Variants in CIC observed in about 807,000 individuals in gnomAD.
The protein encoded by CIC is capicua transcriptional repressor.
A neutral mutation model predicts 115.7 loss-of-function variants in CIC; 18 were observed. The ratio of observed to expected loss-of-function variants is 0.16; its 90% confidence interval spans 0.11 to 0.23. CIC has a LOEUF of 0.23. Ranked by LOEUF, CIC falls within the 10% of genes least tolerant of loss-of-function variation. CIC has a pLI of 1.00. For synonymous variants in CIC, 1,076 were observed against 923.0 expected, an observed-to-expected ratio of 1.17 and a Z score of -3.01; for missense variants, 2,000 against 2,159.3, an observed-to-expected ratio of 0.93 and a Z score of 1.46.
intron 2 of CIC, among the ~76,000 whole-genome samples, chr19:42,283,726 C>A (rs1262718671): frequency 6.6e-6 from 1 of 152,058 alleles, no homozygotes; most frequent in African/African-American, 2.4e-5. Context: ...GCACCACGCA[C>A]AACCCAGAGA....
intron 2 of CIC, among the ~76,000 whole-genome samples, chr19:42,277,182 C>T (rs889286501): frequency 2.6e-5 from 4 of 152,192 alleles, no homozygotes; most frequent in African/African-American, 7.2e-5. Context: ...AGGAGGAAAC[C>T]GTAGCCTGAA....
rs1393417707 is a variant in CIC at position 42,280,595 on chromosome 19, C to T, written c.2794+6018C>T. On this transcript the variant is annotated intron_variant, in intron 2 of 20. Transcript: ENST00000681038. The surrounding 1 kb of genome is among the most constrained non-coding windows in gnomAD (Gnocchi z 4.9). ...CCTCGGGCTGGGTGGGGTACCCTCCCTCCCACCGCAGACAGCTCGGGTGCC... is the reference window on the plus strand; with the variant it reads ...CCTCGGGCTGGGTGGGGTACCCTCCTTCCCACCGCAGACAGCTCGGGTGCC... Among the ~76,000 whole-genome samples, 1 of 152,206 alleles carries T rather than the reference C, an allele frequency of 6.6e-6. No homozygotes were observed. The highest frequency in any genetic ancestry group is 1.5e-5 in the Non-Finnish European group (1 of 68,012).
Position 42,286,841 on chromosome 19 carries a change from C to T in CIC, c.2865C>T (p.Pro955=). 1.2e-6 allele frequency: 2 copies of T among 1,613,956 alleles called. No homozygotes were observed. The highest frequency in any genetic ancestry group is 2.2e-5 in the South Asian group (2 of 91,082). Residue 955 remains proline (P), a synonymous_variant, in exon 3 of 21, where the codon CCC becomes CCT. Coordinates refer to ENST00000681038, the MANE Select transcript of CIC (RefSeq NM_001386298.1). ...PWHSLVPFLA[P]SQPDPSVQPS... is the part of the protein sequence containing the mutation. The stretch of plus-strand genomic sequence containing the variant: ...ACTCCTTAGTCCCCTTCCTGGCACC[C>T]AGCCAGCCTGACCCCTCCGTGCAGC...
chr19:42,290,320 C>T lies in CIC; in HGVS notation c.4279C>T (p.Pro1427Ser), dbSNP rs1270663092. Reference sequence around the variant, plus strand: ...ACTGGACCCTGAGCCCCCAGGGCCCCCGGATCCTCCTGTAGCCTTTGGCAA... The same window carrying T: ...ACTGGACCCTGAGCCCCCAGGGCCCTCGGATCCTCCTGTAGCCTTTGGCAA... ...PPLDPEPPGP[P>S]DPPVAFGKGY... Residue 1427 changes from proline to serine, a missense_variant, in exon 11 of 21, where the codon CCG (proline) becomes TCG (serine). By Grantham distance (74) the Pro-to-Ser change is moderately conservative (BLOSUM62 -1). Transcript: ENST00000681038. The T allele has an allele frequency of 5.6e-6, 9 of 1,614,120 alleles. No homozygotes were observed. The highest frequency in any genetic ancestry group is 1.6e-4 in the Middle Eastern group (1 of 6,062).
intron 12 of CIC, 130 bp downstream of exon 12, chr19:42,291,875 C>A: frequency 7.6e-7 from 1 of 1,321,898 alleles, no homozygotes; most frequent in South Asian, 1.2e-5. Context: ...TCCGTGATGT[C>A]TCTGTGCATC....
Position 42,295,464 on chromosome 19 carries a change from A to T in CIC, c.*273A>T. The T allele has an allele frequency of 2.4e-6, 1 of 419,662 alleles. No homozygotes were observed. Among genetic ancestry groups the T allele is most frequent in the Non-Finnish European group, 4.3e-6 (1 of 232,376 alleles). The allele number at this position is 419,662 out of a possible 1,614,324, so 26.0% of individuals were successfully genotyped here. ...CCTTCAGAGCTTTTCACTTTATGCAAAATGGCTCCTGTGAGGGCTGCAAGC... is the reference window on the plus strand; with the variant it reads ...CCTTCAGAGCTTTTCACTTTATGCATAATGGCTCCTGTGAGGGCTGCAAGC... On this transcript the variant is annotated 3_prime_UTR_variant, in exon 21 of 21. Transcript: ENST00000681038.
rs2036828721 is a variant in CIC, at chr19:42,272,563, A to C, written c.780A>C (p.Pro260=). The change falls in exon 2 of 21, where the codon CCA becomes CCC. Residue 260 remains proline (P), a synonymous_variant. Coordinates refer to ENST00000681038, the MANE Select transcript of CIC (RefSeq NM_001386298.1). ...GVDVVLDATP[P]PGALVVGTAV... ...ATGTAGTTTTGGATGCCACACCCCC[A>C]CCAGGTGCCCTGGTGGTGGGCACAG... The C allele has an allele frequency of 2.5e-6, 1 of 398,284 alleles. No homozygotes were observed. The highest frequency in any genetic ancestry group is 4.4e-6 in the Non-Finnish European group (1 of 225,976). The allele number at this position is 398,284 out of a possible 1,614,324, so 24.7% of individuals were successfully genotyped here.
intron 2 of CIC, among the ~76,000 whole-genome samples, chr19:42,276,677 G>C (rs1411473619): frequency 1.3e-5 from 2 of 152,194 alleles, no homozygotes; most frequent in Non-Finnish European, 1.5e-5. Context: ...GGTGGTACAA[G>C]CAAAATTTCA....
Position 42,287,314 on chromosome 19 carries a change from C to T in CIC, c.3180-6C>T, listed in dbSNP as rs771545626. 3.1e-6 allele frequency: 5 copies of T among 1,614,148 alleles called. No homozygotes were observed. Among genetic ancestry groups the T allele is most frequent in the East Asian group, 2.2e-5 (1 of 44,874 alleles). ...GGCCCTCACTGTCCCTGCTGCCCCG[C>T]CGCAGCTTCCTCTCCATCATGTCTC... On this transcript the variant is annotated splice_polypyrimidine_tract_variant and splice_region_variant and intron_variant, in intron 4 of 20. Transcript: ENST00000681038. The surrounding 1 kb of genome is among the most constrained non-coding windows in gnomAD (Gnocchi z 8.7).
Position 42,289,163 on chromosome 19 carries a change from C to G in CIC, c.3862-18C>G. The stretch of plus-strand genomic sequence containing the variant: ...GGGCAGCAGCCCCGCTGAACCCTCT[C>G]TGCCACCTATCCTGCAGATGGTGTC... On this transcript the variant is annotated intron_variant, in intron 8 of 20. Coordinates refer to ENST00000681038, the MANE Select transcript of CIC (RefSeq NM_001386298.1). The G allele has an allele frequency of 6.2e-7, 1 of 1,613,304 alleles. No homozygotes were observed. The highest frequency in any genetic ancestry group is 1.1e-5 in the South Asian group (1 of 91,082).
At position 42,293,048 on chromosome 19, in the gene CIC, C is replaced by G; in HGVS notation, c.6289C>G (p.Pro2097Ala). The change falls in exon 16 of 21, where the codon CCC becomes GCC. Residue 2097 changes from proline to alanine, a missense_variant. Pro to Ala is a conservative substitution (Grantham distance 27). Around this residue, in one of 8 missense-constraint regions of CIC, gnomAD observed 1,466 missense variants for 1,390.4 expected, o/e 1.05. Coordinates refer to ENST00000681038, the MANE Select transcript of CIC (RefSeq NM_001386298.1). ...AGTGAAGGCAGCCATCGCCAGCATTCCCGTGGGGTCCTTTGAGGCAGGTGC... is the reference window on the plus strand; with the variant it reads ...AGTGAAGGCAGCCATCGCCAGCATTGCCGTGGGGTCCTTTGAGGCAGGTGC... ...QKVKAAIASI[P>A]VGSFEAGASG... The G allele has an allele frequency of 3.1e-6, 5 of 1,612,838 alleles. No homozygotes were observed. The highest frequency in any genetic ancestry group is 1.3e-5 in the African/African-American group (1 of 75,070).
Position 42,293,701 on chromosome 19 carries a change from C to T in CIC, c.6632C>T (p.Ala2211Val), listed in dbSNP as rs2147332949. 3.1e-6 allele frequency: 5 copies of T among 1,612,816 alleles called. No individual in the cohort carries two copies. The highest frequency in any genetic ancestry group is 4.2e-6 in the Non-Finnish European group (5 of 1,179,754). ...PPSPAPAPAV[A>V]PGGSSESSSG... ...AGCCCGGCCCCAGCTCCAGCTGTAGCCCCTGGTGGCAGCAGCGAGAGCAGC... is the reference window on the plus strand; with the variant it reads ...AGCCCGGCCCCAGCTCCAGCTGTAGTCCCTGGTGGCAGCAGCGAGAGCAGC... Residue 2211 changes from alanine to valine, a missense_variant, in exon 17 of 21, where the codon GCC (alanine) becomes GTC (valine). Transcript: ENST00000681038.
Position 42,287,689 on chromosome 19 carries a change from C to T in CIC, c.3454C>T (p.Pro1152Ser), listed in dbSNP as rs1364040567. Residue 1152 changes from proline (P) to serine (S), a missense_variant, in exon 6 of 21, where the codon CCC (proline) becomes TCC (serine). Physicochemically the swap from Pro to Ser is moderately conservative, Grantham distance 74. Around this residue, in one of 8 missense-constraint regions of CIC, gnomAD observed 22 missense variants for 93.8 expected, o/e 0.23. Coordinates refer to ENST00000681038, the MANE Select transcript of CIC (RefSeq NM_001386298.1). This position sits in a 1 kb window ranked among gnomAD's most constrained non-coding sequence, Gnocchi z 8.7. ...ILGEWWYALG[P>S]KEKQKYHDLA... ...GGGCGAGTGGTGGTATGCCCTGGGG[C>T]CCAAGGAGAAGCAGAAGTACCACGA... is the stretch of plus-strand genomic sequence containing the variant. 2 of 1,614,076 alleles carry T rather than the reference C, an allele frequency of 1.2e-6. No individual in the cohort carries two copies. Among genetic ancestry groups the T allele is most frequent in the East Asian group, 4.5e-5 (2 of 44,884 alleles).
chr19:42,284,570 G>A (rs924067563), intron 2 of CIC: 8 of 310,176 alleles, frequency 2.6e-5, no homozygotes, highest in African/African-American at 6.7e-5. Context: ...GGGGCGGCGG[G>A]GGGGGGGGCA....
rs763783192 is a variant in CIC, at chr19:42,290,760, G to C, written c.4719G>C (p.Leu1573=). Residue 1573 remains leucine (L), a synonymous_variant, in exon 11 of 21, where the codon CTG becomes CTC. Coordinates refer to ENST00000681038, the MANE Select transcript of CIC (RefSeq NM_001386298.1). ...SLAYGAPAAP[L]SRPAATMVTN... is the part of the protein sequence containing the mutation. ...CCTATGGGGCCCCAGCAGCTCCCCT[G>C]TCCCGTCCTGCCGCCACCATGGTCA... The C allele has an allele frequency of 1.9e-6, 3 of 1,612,058 alleles. No homozygotes were observed. Among genetic ancestry groups the C allele is most frequent in the Non-Finnish European group, 2.5e-6 (3 of 1,179,578 alleles).
intron 7 of CIC, 31 bp from the exon 8 acceptor site, chr19:42,288,857 G>A (rs1288994028): frequency 4.4e-6 from 7 of 1,602,972 alleles, no homozygotes; most frequent in Non-Finnish European, 6.0e-6. Flanking sequence ...CAGGCTTACT[G>A]ACTGTCATAG....
In CIC at chr19:42,276,741, A is replaced by C. The variant is rs780998402; in HGVS notation, c.2794+2164A>C. Among the ~76,000 whole-genome samples, 156 of 152,070 alleles carry C rather than the reference A, an allele frequency of 1.0e-3. 2 individuals carry two copies. The highest frequency in any genetic ancestry group is 2.1e-4 in the Non-Finnish European group (14 of 67,994). ...AAGAAACTAAATCAGAGGGTCTCTA[A>C]CCACTCCCCTACCCTTCACCCCCCC... is the stretch of plus-strand genomic sequence containing the variant. On this transcript the variant is annotated intron_variant, in intron 2 of 20. Coordinates refer to ENST00000681038, the MANE Select transcript of CIC (RefSeq NM_001386298.1).
intron 2 of CIC, among the ~76,000 whole-genome samples, chr19:42,285,574 C>A (rs2037577972): frequency 6.6e-6 from 1 of 152,248 alleles, no homozygotes; most frequent in African/African-American, 2.4e-5. Context: ...CCCCCCTGTC[C>A]AGGCTTCTGA....
At chr19:42,288,740 TGGGTGGTGG>T in intron 7 of CIC, 139 bp from the exon 8 acceptor site, 13 of 740,990 alleles carry the variant, frequency 1.8e-5, no homozygotes, top group Non-Finnish European at 4.7e-6. Flanking sequence ...GGACTGGTGG[TGGGTGGTGG>T]TTTTTTTTTT....
Sources: allele counts gnomAD v4.1 joint callset (sites outside exome capture counted in the v4.1 genomes callset), GRCh38; gene constraint gnomAD v4.1.1; regional missense constraint gnomAD v4.1.1; non-coding constraint Gnocchi (gnomAD v3.1); transcripts MANE v1.5; gene names NCBI Gene and HGNC (gene_info 2026-07-23, HGNC 2026-07-21).